EXTL2: variants seen among roughly 807,000 people sequenced by gnomAD.
EXTL2 encodes exostosin like glycosyltransferase 2, also known as exostosin-like 2.
A neutral mutation model predicts 30.7 loss-of-function variants in EXTL2; 23 were observed. The observed-to-expected ratio is 0.75, with a 90% CI of 0.54 to 1.06. The LOEUF (loss-of-function observed/expected upper bound fraction) is 1.06. EXTL2 is among the 50% of genes least tolerant of loss of function. The pLI is 0.00. For missense variants in EXTL2, 352 were observed against 396.3 expected (o/e 0.89, Z 0.95); for synonymous variants, 123 against 133.8 (o/e 0.92, Z 0.56).
chr1:100,881,188 A>G (rs2038349), intron 2 of EXTL2: 7,478 of 305,604 alleles, frequency 0.024, 558 homozygotes, highest in African/African-American at 0.16. Context: ...AAAGTACGAA[A>G]AGCAAGGACT....
rs770785330 is a variant in EXTL2, at chr1:100,874,107, G to T, written c.828C>A (p.Thr276=). 10 of 1,612,820 alleles carry T rather than the reference G, an allele frequency of 6.2e-6. 1 individual carries two copies. Among genetic ancestry groups the T allele is most frequent in the African/African-American group, 1.3e-5 (1 of 74,820 alleles). The change falls in exon 5 of 5, where the codon ACC becomes ACA. Residue 276 remains threonine (T), a synonymous_variant. Coordinates refer to ENST00000370114, the MANE Select transcript of EXTL2 (RefSeq NM_001033025.3). ...PVNMDNLEKE[T]NSGYSGMWHR... is the part of the protein sequence containing the mutation. The stretch of plus-strand genomic sequence containing the variant: ...GCCACATTCCAGAATAGCCACTGTT[G>T]GTTTCTTTTTCCAAATTGTCCATGT...
chr1:100,893,317 T>A (rs1006156392), intron 1 of EXTL2, among the ~76,000 whole-genome samples: 2 of 152,170 alleles, frequency 1.3e-5, no homozygotes, highest in African/African-American at 4.8e-5. Context: ...TACGACATAT[T>A]GAAAGGGCAA....
chr1:100,884,811 C>T (rs1478602786), intron 2 of EXTL2, among the ~76,000 whole-genome samples: 1 of 152,132 alleles, frequency 6.6e-6, no homozygotes, highest in Non-Finnish European at 1.5e-5. Flanking sequence ...GGTATTTCAA[C>T]TATCGACTGT....
intron 2 of EXTL2, chr1:100,888,433 T>C (rs1399191374): frequency 1.3e-5 from 3 of 227,096 alleles, no homozygotes; most frequent in Admixed American, 1.1e-4. Context: ...AGACATTATG[T>C]TAATTGAAAT....
intron 2 of EXTL2, chr1:100,886,031 A>T (rs1347209888): frequency 6.6e-6 from 1 of 152,220 alleles, no homozygotes; most frequent in African/African-American, 2.4e-5. Context: ...TCATCTTGTG[A>T]TCTTATGTTT....
At chr1:100,881,237 A>G (rs1211232833) in intron 2 of EXTL2, among the ~76,000 whole-genome samples, 1 of 151,220 alleles carries the variant, frequency 6.6e-6, no homozygotes, top group Non-Finnish European at 1.5e-5. Flanking sequence ...GTACTTTGAC[A>G]ATAGCTGAGG....
Position 100,877,413 on chromosome 1 carries a change from CAT to C in EXTL2, c.433+61_433+62del, listed in dbSNP as rs137983075. 9.1e-4 allele frequency: 1,278 copies of C among 1,410,014 alleles called. 17 individuals carry two copies. The East Asian group carries it at 0.025, about 28-fold the overall frequency. 87.3% of individuals were successfully genotyped at this position (1,410,014 alleles called of 1,614,324 possible). ...GGTTAAGCAGAAGGCCAGAAATTCA[CAT>C]GTCTGTCCCAGCTCTGGACAGCGGC... On this transcript the variant is annotated intron_variant, in intron 3 of 4. Coordinates refer to ENST00000370114, the MANE Select transcript of EXTL2 (RefSeq NM_001033025.3). The surrounding 1 kb of genome is among the most constrained non-coding windows in gnomAD (Gnocchi z 4.1).
At chr1:100,884,021 G>C (rs1401553145) in intron 2 of EXTL2, among the ~76,000 whole-genome samples, 1 of 152,168 alleles carries the variant, frequency 6.6e-6, no homozygotes, top group Non-Finnish European at 1.5e-5. Flanking sequence ...TTCCCTAGAA[G>C]AAACACCGTT....
rs1458595926 is a variant in EXTL2, at chr1:100,873,633, T to C, written c.*309A>G. ...GATCCTAGAAACAGCTTGCTATAGG[T>C]CCTTAAGGCAAATGCCAGGAGTCAA... is the stretch of plus-strand genomic sequence containing the variant. On this transcript the variant is annotated 3_prime_UTR_variant, in exon 5 of 5. Transcript: ENST00000370114. 1 of 207,794 alleles carries C rather than the reference T, an allele frequency of 4.8e-6. No individual in the cohort carries two copies. Among genetic ancestry groups the C allele is most frequent in the East Asian group, 1.1e-4 (1 of 8,760 alleles). 12.9% of individuals were successfully genotyped at this position (207,794 alleles called of 1,614,324 possible).
chr1:100,885,812 T>G (rs1272970682), intron 2 of EXTL2: 1 of 152,240 alleles, frequency 6.6e-6, no homozygotes, highest in Non-Finnish European at 1.5e-5. Context: ...TTTCTACCAA[T>G]TCTATGCTCT....
At chr1:100,888,350 CA>C (rs1345282768) in intron 2 of EXTL2, 1 of 158,088 alleles carries the variant, frequency 6.3e-6, no homozygotes, top group Non-Finnish European at 1.4e-5. Flanking sequence ...TACACAGGTA[CA>C]AAAGAGTATT....
Position 100,874,034 on chromosome 1 carries a change from C to T in EXTL2, c.901G>A (p.Val301Ile), listed in dbSNP as rs774528439. ...LQRSYCINKL[V>I]NIYDSMPLRY... The stretch of plus-strand genomic sequence containing the variant: ...AAGGGCATGCTATCATAGATATTAA[C>T]AAGCTTATTTATACAATAAGACCTC... Residue 301 changes from valine to isoleucine, a missense_variant, in exon 5 of 5, where the codon GTT becomes ATT. Val to Ile is a conservative substitution (Grantham distance 29). Transcript: ENST00000370114. The T allele has an allele frequency of 1.9e-6, 3 of 1,613,052 alleles. No individual in the cohort carries two copies. In the Admixed American group the frequency reaches 5.0e-5, roughly 27 times the overall value.
intron 2 of EXTL2, chr1:100,888,252 A>G (rs1650135552): frequency 6.6e-6 from 1 of 152,364 alleles, no homozygotes; most frequent in Non-Finnish European, 1.5e-5. Flanking sequence ...ACCCATGTTC[A>G]TTGTGGCCTT....
upstream of EXTL2, chr1:100,895,078 C>T (rs1650789342): frequency 1.3e-5 from 2 of 152,204 alleles, no homozygotes; most frequent in Non-Finnish European, 2.9e-5. Flanking sequence ...CAGGAAAGGC[C>T]TGTGGGGCTC....
In EXTL2 at chr1:100,890,154, A is replaced by G. The variant is rs145322066; in HGVS notation, c.-71-1326T>C. Among the ~76,000 whole-genome samples the G allele has an allele frequency of 3.9e-4, 60 of 152,278 alleles. No individual in the cohort carries two copies. The East Asian group carries it at 0.011, about 28-fold the overall frequency. On this transcript the variant is annotated intron_variant, in intron 1 of 4. Coordinates refer to ENST00000370114, the MANE Select transcript of EXTL2 (RefSeq NM_001033025.3). ...AGAGGTTCCTAAACCTTAATTCTTG[A>G]CTTCTGTGCACCCATAGGCTCAACA...
chr1:100,893,977 G>A (rs1462474099), intron 1 of EXTL2, among the ~76,000 whole-genome samples: 1 of 152,122 alleles, frequency 6.6e-6, no homozygotes, highest in Non-Finnish European at 1.5e-5. Flanking sequence ...TTTGAAAAGA[G>A]GTAATGTAGG....
Position 100,877,633 on chromosome 1 carries a change from C to A in EXTL2, c.276G>T (p.Leu92=), listed in dbSNP as rs1557952537. The A allele has an allele frequency of 6.2e-7, 1 of 1,613,614 alleles. No homozygotes were observed. Among genetic ancestry groups the A allele is most frequent in the Non-Finnish European group, 8.5e-7 (1 of 1,179,680 alleles). ...TGTTCCATACCACAATCACTTTGTGCAGATTTGGTACAGCCTGATAATGAT... is the reference window on the plus strand; with the variant it reads ...TGTTCCATACCACAATCACTTTGTGAAGATTTGGTACAGCCTGATAATGAT... ...LLNHYQAVPN[L]HKVIVVWNNI... The change falls in exon 3 of 5, where the codon CTG becomes CTT. Residue 92 remains leucine, a synonymous_variant. Coordinates refer to ENST00000370114, the MANE Select transcript of EXTL2 (RefSeq NM_001033025.3). This position sits in a 1 kb window ranked among gnomAD's most constrained non-coding sequence, Gnocchi z 4.1.
At chr1:100,875,727 A>G (rs1649062229) in intron 4 of EXTL2, among the ~76,000 whole-genome samples, 1 of 152,088 alleles carries the variant, frequency 6.6e-6, no homozygotes, top group Admixed American at 6.6e-5. Flanking sequence ...TAAAACCTGA[A>G]ATCATATTTA....
At chr1:100,883,618 T>C (rs751687007) in intron 2 of EXTL2, among the ~76,000 whole-genome samples, 4 of 152,218 alleles carry the variant, frequency 2.6e-5, no homozygotes, top group Non-Finnish European at 4.4e-5. Context: ...TTCCATTCTA[T>C]GGATAGACCA....
Sources: gnomAD v4.1 joint callset for allele counts (sites outside exome capture counted in the v4.1 genomes callset) on GRCh38, gnomAD v4.1.1 for gene constraint, Gnocchi (gnomAD v3.1) non-coding constraint, MANE v1.5 for transcripts, NCBI Gene and HGNC (gene_info 2026-07-23, HGNC 2026-07-21) for gene names.